CABCOCO1: variants seen among roughly 807,000 people sequenced by gnomAD.
CABCOCO1 encodes the protein ciliary-associated calcium-binding coiled-coil protein 1.
In CABCOCO1, 28 loss-of-function variants were observed where a neutral mutation model predicts 35.7. That is an observed-to-expected ratio of 0.78 (90% CI 0.58 to 1.07). The LOEUF (loss-of-function observed/expected upper bound fraction) is 1.07, where lower values mean the gene tolerates loss of function less well. Ranked by LOEUF, CABCOCO1 falls within the 50% of genes least tolerant of loss-of-function variation. CABCOCO1 has a pLI of 0.00. For synonymous variants in CABCOCO1, 95 were observed against 100.1 expected (o/e 0.95, Z 0.30); for missense variants, 326 against 309.2 (o/e 1.05, Z -0.41).
At chr10:61,716,990 G>T (rs1056184339) in intron 5 of CABCOCO1, among the ~76,000 whole-genome samples, 5 of 151,906 alleles carry the variant, frequency 3.3e-5, no homozygotes. Context: ...TCACATTGGG[G>T]AGAAAAAAAG....
chr10:61,668,319 T>C (rs1839252595), intron 1 of CABCOCO1, among the ~76,000 whole-genome samples: 1 of 152,000 alleles, frequency 6.6e-6, no homozygotes, highest in African/African-American at 2.4e-5. Context: ...TTTCCTTTTT[T>C]GTTAGTTCAG....
chr10:61,733,215 T>C (rs1459663575), intron 5 of CABCOCO1, among the ~76,000 whole-genome samples: 1 of 152,068 alleles, frequency 6.6e-6, no homozygotes, highest in Non-Finnish European at 1.5e-5. Context: ...TCTAAACTAT[T>C]TCTGTTATTT....
chr10:61,747,152 T>C (rs151204012), intron 5 of CABCOCO1, among the ~76,000 whole-genome samples: 1 of 152,284 alleles, frequency 6.6e-6, no homozygotes, highest in East Asian at 1.9e-4. Flanking sequence ...TATTTCTGTG[T>C]CTAAAACCAA....
rs756893563 is a variant in CABCOCO1, at chr10:61,722,695, TA to T, written c.552+32078del. Among the ~76,000 whole-genome samples, 384 of 148,146 alleles carry T rather than the reference TA, an allele frequency of 2.6e-3. 1 individual carries two copies. Among genetic ancestry groups the T allele is most frequent in the Non-Finnish European group, 3.3e-3 (220 of 67,048 alleles). On this transcript the variant is annotated intron_variant, in intron 5 of 7. Coordinates refer to ENST00000648843, the MANE Select transcript of CABCOCO1 (RefSeq NM_001366906.2). ...TTGCTTCTTCTAAAAAAAAAACTGG[TA>T]AAATACTAGCTAGCCTAAATTTTAA...
At chr10:61,729,820 T>C (rs1345569369) in intron 5 of CABCOCO1, among the ~76,000 whole-genome samples, 1 of 152,156 alleles carries the variant, frequency 6.6e-6, no homozygotes, top group Non-Finnish European at 1.5e-5. Context: ...ACAGCATGGA[T>C]AAACCTTGAG....
At chr10:61,709,280 T>A (rs1840668947) in intron 5 of CABCOCO1, among the ~76,000 whole-genome samples, 1 of 152,146 alleles carries the variant, frequency 6.6e-6, no homozygotes. Context: ...AACTCAAGTG[T>A]CACCCAAAGA....
At chr10:61,697,152 C>T (rs901270542) in intron 5 of CABCOCO1, among the ~76,000 whole-genome samples, 1 of 152,064 alleles carries the variant, frequency 6.6e-6, no homozygotes, top group Non-Finnish European at 1.5e-5. Context: ...CCCTAAATAT[C>T]TTCTCTGTAG....
intron 5 of CABCOCO1, among the ~76,000 whole-genome samples, chr10:61,706,422 C>T (rs1840594071): frequency 1.3e-5 from 2 of 152,260 alleles, no homozygotes; most frequent in Admixed American, 6.5e-5. Context: ...TTGAAATGTT[C>T]CTTAAGATAA....
intron 2 of CABCOCO1, among the ~76,000 whole-genome samples, chr10:61,678,505 A>G (rs1839594382): frequency 2.0e-5 from 3 of 152,040 alleles, no homozygotes; most frequent in African/African-American, 7.2e-5. Context: ...TAAAAAACTG[A>G]CCATATTGAC....
At chr10:61,758,877 C>T (rs1316696966) in intron 5 of CABCOCO1, among the ~76,000 whole-genome samples, 4 of 151,972 alleles carry the variant, frequency 2.6e-5, no homozygotes, top group Non-Finnish European at 5.9e-5. Flanking sequence ...AGACCAAAAA[C>T]AAACCTTAGC....
At chr10:61,744,119 T>C (rs1413666963) in intron 5 of CABCOCO1, among the ~76,000 whole-genome samples, 1 of 152,168 alleles carries the variant, frequency 6.6e-6, no homozygotes, top group African/African-American at 2.4e-5. Context: ...TGAGAGTTTA[T>C]AAAATATAAA....
intron 5 of CABCOCO1, among the ~76,000 whole-genome samples, chr10:61,691,881 TC>T (rs1363170454): frequency 1.3e-5 from 2 of 152,224 alleles, no homozygotes; most frequent in Non-Finnish European, 2.9e-5. Flanking sequence ...ATTTTCTTTA[TC>T]CAGTCTATCA....
chr10:61,670,048 A>C (rs1313770361), intron 1 of CABCOCO1, among the ~76,000 whole-genome samples: 1 of 152,098 alleles, frequency 6.6e-6, no homozygotes, highest in East Asian at 1.9e-4. Flanking sequence ...ACTATCTAAC[A>C]ATGTCATCAG....
chr10:61,671,921 T>A (rs1589109498), intron 1 of CABCOCO1, among the ~76,000 whole-genome samples: 1 of 152,228 alleles, frequency 6.6e-6, no homozygotes, highest in South Asian at 2.1e-4. Flanking sequence ...CTGTACCTTG[T>A]GAACACTCAG....
chr10:61,683,404 T>A (rs931854759), intron 3 of CABCOCO1, among the ~76,000 whole-genome samples: 2 of 151,752 alleles, frequency 1.3e-5, no homozygotes, highest in Admixed American at 1.3e-4. Flanking sequence ...TAAAAAAAAA[T>A]TGAAAAATTA....
At chr10:61,758,576 G>C (rs568656071) in intron 5 of CABCOCO1, among the ~76,000 whole-genome samples, 2 of 152,046 alleles carry the variant, frequency 1.3e-5, no homozygotes, top group Non-Finnish European at 2.9e-5. Flanking sequence ...TAAAAATTAA[G>C]TGCTTGATAA....
intron 5 of CABCOCO1, 38 bp downstream of exon 5, chr10:61,690,659 T>G: frequency 7.6e-7 from 1 of 1,318,820 alleles, no homozygotes; most frequent in Middle Eastern, 1.8e-4. Flanking sequence ...TTAAGCAGAA[T>G]CACTTAATGC....
At chr10:61,708,551 C>G (rs1339842807) in intron 5 of CABCOCO1, among the ~76,000 whole-genome samples, 1 of 152,094 alleles carries the variant, frequency 6.6e-6, no homozygotes, top group Non-Finnish European at 1.5e-5. Context: ...AAGACTTGCT[C>G]TCTGCTTTAT....
chr10:61,690,709 C>A (rs2131994737), intron 5 of CABCOCO1, 88 bp downstream of exon 5: 2 of 779,230 alleles, frequency 2.6e-6, no homozygotes, highest in South Asian at 3.6e-5. Context: ...CTTAAAGCAA[C>A]TTCTTGTCAA....
Sources: allele counts gnomAD v4.1 joint callset (sites outside exome capture counted in the v4.1 genomes callset), GRCh38; gene constraint gnomAD v4.1.1; transcripts MANE v1.5; gene names NCBI Gene and HGNC (gene_info 2026-07-23, HGNC 2026-07-21).